The following PTGR2 variants were observed in gnomAD, a reference collection of about 807,000 sequenced individuals.
PTGR2 encodes prostaglandin reductase 2, also known as 15-oxoprostaglandin 13-reductase.
Under a neutral mutation model 43.4 loss-of-function variants are expected in PTGR2, and 32 were observed. That is an observed-to-expected ratio of 0.74 (90% confidence interval 0.56 to 0.99). The LOEUF is 0.99. PTGR2 is among the 50% of genes least tolerant of loss of function. PTGR2 has a pLI of 0.00. For synonymous variants in PTGR2, 106 were observed against 139.2 expected, an observed-to-expected ratio of 0.76 and a Z score of 1.68; for missense variants, 373 against 420.0, an observed-to-expected ratio of 0.89 and a Z score of 0.98.
chr14:73,884,406 G>A lies in PTGR2; in HGVS notation c.*229G>A, dbSNP rs15799. On this transcript the variant is annotated 3_prime_UTR_variant, in exon 10 of 10. Transcript: ENST00000555661. Reference sequence around the variant, plus strand: ...TACTTTTATTAATTTAAAATAGAACGCTTGAGAGGCACTTTGTAAAGATTT... The same window carrying A: ...TACTTTTATTAATTTAAAATAGAACACTTGAGAGGCACTTTGTAAAGATTT... 165,123 of 318,994 alleles carry A rather than the reference G, an allele frequency of 0.52. 43,126 individuals carry two copies. The highest frequency in any genetic ancestry group is 0.62 in the South Asian group (9,259 of 14,942). The allele number at this position is 318,994 out of a possible 1,614,324, so 19.8% of individuals were successfully genotyped here.
intron 1 of PTGR2, among the ~76,000 whole-genome samples, chr14:73,853,483 G>T (rs545947040): frequency 6.6e-6 from 1 of 151,596 alleles, no homozygotes; most frequent in Admixed American, 6.6e-5. Context: ...CCACCACGCC[G>T]GGCTGATTTT....
At position 73,863,042 on chromosome 14, in the gene PTGR2, T is replaced by G. The variant is rs369532272; in HGVS notation, c.156+2385T>G. Among the ~76,000 whole-genome samples the G allele has an allele frequency of 9.6e-4, 146 of 152,284 alleles. 2 individuals are homozygous for G. The highest frequency in any genetic ancestry group is 3.4e-3 in the African/African-American group (141 of 41,548). On this transcript the variant is annotated intron_variant, in intron 3 of 9. Coordinates refer to ENST00000555661, the MANE Select transcript of PTGR2 (RefSeq NM_001146154.2). ...AAAAAATTTAACAGTTTTATTATAT[T>G]CACACACTATACAATTTACTCACTT...
In PTGR2 at chr14:73,858,857, A is replaced by G; in HGVS notation, c.-6A>G. On this transcript the variant is annotated 5_prime_UTR_variant, in exon 2 of 10. Coordinates refer to ENST00000555661, the MANE Select transcript of PTGR2 (RefSeq NM_001146154.2). ...AATCTTGTGAAACCACTGCCCAACC[A>G]GAGCAATGATTGTTCAAAGAGTGGT... 1 of 1,610,076 alleles carries G rather than the reference A, an allele frequency of 6.2e-7. No individual in the cohort carries two copies.
Position 73,884,081 on chromosome 14 carries a change from C to G in PTGR2, c.980-20C>G. 6.6e-7 allele frequency: 1 copy of G among 1,513,338 alleles called. No individual in the cohort carries two copies. The highest frequency in any genetic ancestry group is 1.4e-5 in the African/African-American group (1 of 72,434). 93.7% of individuals were successfully genotyped at this position (1,513,338 alleles called of 1,614,324 possible). A position where few individuals can be genotyped will look rare whatever the true frequency, so the allele number is the denominator to read the frequency against. On this transcript the variant is annotated intron_variant, in intron 9 of 9. Coordinates refer to ENST00000555661, the MANE Select transcript of PTGR2 (RefSeq NM_001146154.2). ...TAGTGACATTTATCTTTTCAGATAACCTACTTTCTCTTTTTCCAGCTGCAT... is the reference window on the plus strand; with the variant it reads ...TAGTGACATTTATCTTTTCAGATAAGCTACTTTCTCTTTTTCCAGCTGCAT...
At chr14:73,865,527 A>G (rs1263190641) in intron 3 of PTGR2, among the ~76,000 whole-genome samples, 1 of 152,192 alleles carries the variant, frequency 6.6e-6, no homozygotes, top group Non-Finnish European at 1.5e-5. Flanking sequence ...AATGCTTCAC[A>G]AGCCATCTAG....
chr14:73,855,865 G>T (rs949459350), intron 1 of PTGR2, among the ~76,000 whole-genome samples: 3 of 148,452 alleles, frequency 2.0e-5, no homozygotes, highest in Non-Finnish European at 4.5e-5. Flanking sequence ...AGAACAGCCT[G>T]ACCAACATGG....
rs759064625 is a variant in PTGR2, at chr14:73,879,360, A to C, written c.729+55A>C. The C allele has an allele frequency of 2.8e-4, 423 of 1,508,454 alleles. 1 individual carries two copies. The highest frequency in any genetic ancestry group is 2.2e-3 in the Middle Eastern group (12 of 5,340). The allele number at this position is 1,508,454 out of a possible 1,614,324, so 93.4% of individuals were successfully genotyped here. ...AATACTGCACTTTATATGTTGTGAT[A>C]TCTTTTTACCTAATACTGAGAAAAA... On this transcript the variant is annotated intron_variant, in intron 6 of 9. Coordinates refer to ENST00000555661, the MANE Select transcript of PTGR2 (RefSeq NM_001146154.2).
intron 6 of PTGR2, 191 bp downstream of exon 6, chr14:73,879,496 C>T (rs532568812): frequency 1.9e-6 from 1 of 531,658 alleles, no homozygotes; most frequent in African/African-American, 1.9e-5. Flanking sequence ...CAGATTTGTA[C>T]TATGAACTTC....
chr14:73,879,355 G>A (rs1200406149), intron 6 of PTGR2, 50 bp downstream of exon 6: 2 of 1,529,472 alleles, frequency 1.3e-6, no homozygotes, highest in Admixed American at 3.5e-5. Flanking sequence ...TTTATATGTT[G>A]TGATATCTTT....
At chr14:73,868,461 A>T (rs2054652989) in intron 3 of PTGR2, among the ~76,000 whole-genome samples, 2 of 152,020 alleles carry the variant, frequency 1.3e-5, no homozygotes, top group African/African-American at 2.4e-5. Context: ...GTATTTTAGG[A>T]TGTTTTGACA....
rs375356849 is a variant in PTGR2, at chr14:73,855,884, C to T, written c.-47-2932C>T. On this transcript the variant is annotated intron_variant, in intron 1 of 9. Coordinates refer to ENST00000555661, the MANE Select transcript of PTGR2 (RefSeq NM_001146154.2). ...CAGCCTGACCAACATGGTGAAACCC[C>T]GTCTCTACTAAAAATACAAAAATTA... Among the ~76,000 whole-genome samples the T allele has an allele frequency of 1.5e-4, 22 of 151,178 alleles. 1 individual carries two copies. Among genetic ancestry groups the T allele is most frequent in the South Asian group, 1.3e-3 (6 of 4,768 alleles).
chr14:73,851,978 C>T (rs2054235486), intron 1 of PTGR2, 35 bp downstream of exon 1: 1 of 152,280 alleles, frequency 6.6e-6, no homozygotes, highest in Non-Finnish European at 1.5e-5. Context: ...GCGACTGTGG[C>T]TCCCGAAGCT....
chr14:73,874,362 CT>C, intron 4 of PTGR2, 148 bp downstream of exon 4: 1 of 650,986 alleles, frequency 1.5e-6, no homozygotes. Flanking sequence ...GCCTTTGTTC[CT>C]TTTCCACTGT....
In PTGR2 at chr14:73,876,928, C is replaced by A. The variant is rs548897424; in HGVS notation, c.349-70C>A. The A allele has an allele frequency of 2.6e-6, 3 of 1,174,726 alleles. No individual in the cohort carries two copies. The South Asian group carries it at 4.2e-5, about 17-fold the overall frequency. The allele number at this position is 1,174,726 out of a possible 1,614,324, so 72.8% of individuals were successfully genotyped here. A position where few individuals can be genotyped will look rare whatever the true frequency, so the allele number is the denominator to read the frequency against. On this transcript the variant is annotated intron_variant, in intron 4 of 9. Coordinates refer to ENST00000555661, the MANE Select transcript of PTGR2 (RefSeq NM_001146154.2). ...TGGGGACGCAATTCAGTCCATAACA[C>A]GTTGTCTCTACTTTGTTGTCTCAAA... is the stretch of plus-strand genomic sequence containing the variant.
intron 2 of PTGR2, 151 bp downstream of exon 2, chr14:73,859,050 T>A (rs2054427830): frequency 1.8e-6 from 1 of 543,156 alleles, no homozygotes. Context: ...TTAAACGATG[T>A]AATAATTTTC....
intron 8 of PTGR2, among the ~76,000 whole-genome samples, chr14:73,881,769 ATTCTTTTTTT>A (rs1401521536): frequency 1.2e-5 from 1 of 84,864 alleles, no homozygotes; most frequent in African/African-American, 5.0e-5. Context: ...GGCCTAGGCT[ATTCTTTTTTT>A]TTTTTTTTTT....
At chr14:73,878,608 C>T (rs891061056) in intron 5 of PTGR2, 26 of 443,634 alleles carry the variant, frequency 5.9e-5, no homozygotes, top group African/African-American at 3.9e-4. Context: ...GGTCAGCCAC[C>T]GTATGTGGCT....
At chr14:73,866,935 A>G (rs1166230938) in intron 3 of PTGR2, among the ~76,000 whole-genome samples, 1 of 151,866 alleles carries the variant, frequency 6.6e-6, no homozygotes, top group Non-Finnish European at 1.5e-5. Context: ...CTAAGAATAC[A>G]AAAATTAGCC....
chr14:73,884,101 C>T lies in PTGR2; in HGVS notation c.980C>T (p.Ala327Val), dbSNP rs2055069175. The stretch of plus-strand genomic sequence containing the variant: ...GATAACCTACTTTCTCTTTTTCCAG[C>T]TGCATTCCAGTCCATGATGACAGGA... ...TVINGLENMG[A>V]AFQSMMTGGN... The change falls in exon 10 of 10, where the codon GCT becomes GTT. Residue 327 changes from alanine (A) to valine (V), a missense_variant and splice_region_variant. Coordinates refer to ENST00000555661, the MANE Select transcript of PTGR2 (RefSeq NM_001146154.2). The T allele has an allele frequency of 6.3e-7, 1 of 1,596,240 alleles. No individual in the cohort carries two copies. Among genetic ancestry groups the T allele is most frequent in the Admixed American group, 1.7e-5 (1 of 58,142 alleles).
Sources: gnomAD v4.1 joint callset for allele counts (sites outside exome capture counted in the v4.1 genomes callset) on GRCh38, gnomAD v4.1.1 for gene constraint, MANE v1.5 for transcripts, NCBI Gene and HGNC (gene_info 2026-07-23, HGNC 2026-07-21) for gene names.